KDM4B: variants seen among roughly 807,000 people sequenced by gnomAD.
The protein encoded by KDM4B is lysine demethylase 4B.
Under a neutral mutation model 125.2 loss-of-function variants are expected in KDM4B, and 32 were observed. The observed-to-expected ratio is 0.26, with a 90% CI of 0.19 to 0.34. The LOEUF (loss-of-function observed/expected upper bound fraction) is 0.34. KDM4B is among the 10% of genes least tolerant of loss of function. The probability of loss-of-function intolerance (pLI) is 1.00; values close to 1 mark genes in which losing one functional copy is unlikely to be tolerated. For synonymous variants in KDM4B, 721 were observed against 677.9 expected (o/e 1.06, Z -0.99); for missense variants, 1,190 against 1,577.7 (o/e 0.75, Z 4.16).
chr19:5,085,150 A>AG (rs1266102498), intron 9 of KDM4B, among the ~76,000 whole-genome samples: 1 of 152,194 alleles, frequency 6.6e-6, no homozygotes, highest in African/African-American at 2.4e-5. Context: ...AATCCAGTTT[A>AG]GAAAAAGAAC....
intron 1 of KDM4B, among the ~76,000 whole-genome samples, chr19:4,986,280 G>A (rs374894374): frequency 5.9e-5 from 9 of 152,338 alleles, no homozygotes; most frequent in African/African-American, 2.2e-4. Flanking sequence ...AGAGCCTGGC[G>A]TGGGACCCGA....
intron 2 of KDM4B, among the ~76,000 whole-genome samples, chr19:5,030,557 C>T (rs1252717810): frequency 6.6e-6 from 1 of 152,214 alleles, no homozygotes; most frequent in Non-Finnish European, 1.5e-5. Context: ...CAGGAAGAGG[C>T]CATGTGTGCA....
At position 5,064,020 on chromosome 19, in the gene KDM4B, C is replaced by T. The variant is rs565027562; in HGVS notation, c.627-6990C>T. ...CCCACCCTGTAGCCGGCTTGCTCTC[C>T]TTCCCGGCCTGTGCCAGCCACAGGG... On this transcript the variant is annotated intron_variant, in intron 6 of 22. Transcript: ENST00000159111. 2.4e-4 allele frequency among the ~76,000 whole-genome samples: 36 copies of T among 152,374 alleles called. 1 individual carries two copies. In the South Asian group the frequency reaches 5.8e-3, roughly 25 times the overall value.
At chr19:5,150,854 TA>T (rs1305364605) in intron 22 of KDM4B, among the ~76,000 whole-genome samples, 1 of 152,194 alleles carries the variant, frequency 6.6e-6, no homozygotes, top group Non-Finnish European at 1.5e-5. Context: ...GTTGTCGGCT[TA>T]AAAAAGCTTT....
rs1599578735 is a variant in KDM4B at position 5,082,779 on chromosome 19, C to A, written c.918+275C>A. ...CATACACCAGTTATCCCTCGGCCTG[C>A]GTGGGCCTCCTGGGCATGGCCGGCT... On this transcript the variant is annotated intron_variant, in intron 9 of 22. Coordinates refer to ENST00000159111, the MANE Select transcript of KDM4B (RefSeq NM_015015.3). The surrounding 1 kb of genome is among the most constrained non-coding windows in gnomAD (Gnocchi z 5.4). Among the ~76,000 whole-genome samples, 1 of 152,218 alleles carries A rather than the reference C, an allele frequency of 6.6e-6. No homozygotes were observed. Among genetic ancestry groups the A allele is most frequent in the South Asian group, 2.1e-4 (1 of 4,832 alleles).
At chr19:5,145,217 G>T (rs918208892) in intron 21 of KDM4B, among the ~76,000 whole-genome samples, 2 of 146,126 alleles carry the variant, frequency 1.4e-5, no homozygotes, top group Admixed American at 6.8e-5. Context: ...GTACCCCTGG[G>T]TTTTTTTTTT....
chr19:5,118,986 G>A lies in KDM4B; in HGVS notation c.1116-667G>A, dbSNP rs181820503. ...TCAGAGCAGCGGAGTGTGAGCTGGG[G>A]CTCCCATGCACCTCATGGGCTGCAG... On this transcript the variant is annotated intron_variant, in intron 10 of 22. Transcript: ENST00000159111. 1.3e-5 allele frequency: 8 copies of A among 621,346 alleles called. No individual in the cohort carries two copies. The East Asian group carries it at 1.9e-4, about 15-fold the overall frequency. 38.5% of individuals were successfully genotyped at this position (621,346 alleles called of 1,614,324 possible).
chr19:5,127,197 T>G (rs1357606301), intron 11 of KDM4B, among the ~76,000 whole-genome samples: 2 of 152,138 alleles, frequency 1.3e-5, no homozygotes, highest in Non-Finnish European at 2.9e-5. Context: ...CCCTGCTCTG[T>G]CCTGAAGCCC....
At chr19:5,046,653 AT>A (rs1318769804) in intron 5 of KDM4B, among the ~76,000 whole-genome samples, 1 of 152,158 alleles carries the variant, frequency 6.6e-6, no homozygotes, top group Non-Finnish European at 1.5e-5. Flanking sequence ...TGCTTGTGGC[AT>A]TAAGAATAGA....
rs1406377887 is a variant in KDM4B, at chr19:4,997,397, T to C, written c.-108-18860T>C. On this transcript the variant is annotated intron_variant, in intron 1 of 22. Transcript: ENST00000159111. This position sits in a 1 kb window ranked among gnomAD's most constrained non-coding sequence, Gnocchi z 4.2. ...CGGCCCCTGGCTTCCACTGTGTCCT[T>C]CTGTGGTTCATGAGGACCTGCCATC... Among the ~76,000 whole-genome samples the C allele has an allele frequency of 2.6e-5, 4 of 152,062 alleles. No individual in the cohort carries two copies. Among genetic ancestry groups the C allele is most frequent in the Non-Finnish European group, 5.9e-5 (4 of 67,986 alleles).
chr19:4,992,218 T>C (rs1192238967), intron 1 of KDM4B, among the ~76,000 whole-genome samples: 1 of 152,152 alleles, frequency 6.6e-6, no homozygotes, highest in Non-Finnish European at 1.5e-5. Context: ...ACAGTTTTAC[T>C]GGTCTTTTCA....
At chr19:5,113,083 A>T in intron 10 of KDM4B, 1 of 152,152 alleles carries the variant, frequency 6.6e-6, no homozygotes, top group East Asian at 1.9e-4. Context: ...CGCTGCTTGG[A>T]ACCTTCTTTG....
chr19:4,989,335 T>TG (rs1555687540), intron 1 of KDM4B, among the ~76,000 whole-genome samples: 1 of 152,154 alleles, frequency 6.6e-6, no homozygotes, highest in Admixed American at 6.5e-5. Context: ...CTTTGTTTTT[T>TG]TTTGTTTGTT....
intron 21 of KDM4B, among the ~76,000 whole-genome samples, chr19:5,149,035 C>T (rs577404963): frequency 6.6e-5 from 10 of 152,344 alleles, no homozygotes; most frequent in African/African-American, 2.2e-4. Context: ...CCGCCGCCTG[C>T]GCCGGCCAAG....
chr19:5,007,497 A>G (rs923940095), intron 1 of KDM4B, among the ~76,000 whole-genome samples: 1 of 148,050 alleles, frequency 6.8e-6, no homozygotes, highest in Non-Finnish European at 1.5e-5. Flanking sequence ...TTTTGCAAAT[A>G]TATGTTCTCC....
At chr19:5,049,648 G>C (rs1180721728) in intron 6 of KDM4B, among the ~76,000 whole-genome samples, 1 of 152,042 alleles carries the variant, frequency 6.6e-6, no homozygotes, top group Non-Finnish European at 1.5e-5. Flanking sequence ...TCTCTCACCA[G>C]GGCTGAGGCG....
intron 9 of KDM4B, among the ~76,000 whole-genome samples, chr19:5,088,861 C>T (rs1029789040): frequency 2.0e-5 from 3 of 152,166 alleles, no homozygotes; most frequent in African/African-American, 4.8e-5. Flanking sequence ...GGGAGCTGAC[C>T]TTACCATCTC....
chr19:4,978,136 C>T (rs1298701446), intron 1 of KDM4B, among the ~76,000 whole-genome samples: 1 of 152,148 alleles, frequency 6.6e-6, no homozygotes, highest in Non-Finnish European at 1.5e-5. Context: ...AACTCCTGCT[C>T]CCTGCTCTAT....
At chr19:5,052,825 G>A (rs2037273940) in intron 6 of KDM4B, among the ~76,000 whole-genome samples, 2 of 152,350 alleles carry the variant, frequency 1.3e-5, no homozygotes, top group African/African-American at 2.4e-5. Context: ...GTGTGGGTTT[G>A]TACTGCTGCT....
Sources: gnomAD v4.1 joint callset for allele counts (sites outside exome capture counted in the v4.1 genomes callset) on GRCh38, gnomAD v4.1.1 for gene constraint, Gnocchi (gnomAD v3.1) non-coding constraint, MANE v1.5 for transcripts, NCBI Gene and HGNC (gene_info 2026-07-23, HGNC 2026-07-21) for gene names.